The following GPM6B variants were observed in gnomAD, a reference collection of about 807,000 sequenced individuals.
GPM6B encodes the protein glycoprotein M6B.
A neutral mutation model predicts 27.2 loss-of-function variants in GPM6B; 4 were observed. That is an observed-to-expected ratio of 0.15 (90% CI 0.07 to 0.34). GPM6B has a LOEUF of 0.34. GPM6B is among the 10% of genes least tolerant of loss of function. GPM6B has a pLI of 1.00. For missense variants in GPM6B, 183 were observed against 261.9 expected (o/e 0.70, Z 2.08); for synonymous variants, 124 against 103.1 (o/e 1.20, Z -1.23).
chrX:13,920,239 C>G (rs1365899821), intron 1 of GPM6B, among the ~76,000 whole-genome samples: 1 of 81,923 alleles, frequency 1.2e-5, no homozygotes, highest in Non-Finnish European at 2.2e-5. Context: ...TGCACTCCAG[C>G]CTAGGCAACA....
At chrX:13,896,890 G>T (rs182263248) in intron 1 of GPM6B, among the ~76,000 whole-genome samples, 3 of 112,157 alleles carry the variant, frequency 2.7e-5, no homozygotes, top group Middle Eastern at 4.6e-3. Flanking sequence ...TCCTATGTTT[G>T]CTCTAACACA....
chrX:13,776,395 C>T (rs945795370), intron 6 of GPM6B, 92 bp from the exon 7 acceptor site: 71 of 677,682 alleles, frequency 1.0e-4, no homozygotes, highest in Non-Finnish European at 1.5e-4. Flanking sequence ...GTCTCCTTTG[C>T]AGCTCTTCTC....
intron 1 of GPM6B, among the ~76,000 whole-genome samples, chrX:13,870,617 C>G: frequency 8.9e-6 from 1 of 112,395 alleles, no homozygotes; most frequent in African/African-American, 3.2e-5. Flanking sequence ...GAAAACAGAG[C>G]CCCTAACACT....
At chrX:13,884,121 T>C (rs762960216) in intron 1 of GPM6B, among the ~76,000 whole-genome samples, 16 of 111,583 alleles carry the variant, frequency 1.4e-4, no homozygotes, top group Admixed American at 8.5e-4. Flanking sequence ...GAGGTTGCGG[T>C]GAGCCGAGAT....
chrX:13,864,354 G>A (rs1011881231), intron 1 of GPM6B, among the ~76,000 whole-genome samples: 7 of 112,616 alleles, frequency 6.2e-5, no homozygotes, highest in Non-Finnish European at 1.3e-4. Flanking sequence ...AGCACGTTAG[G>A]GGGGATGCTG....
At chrX:13,777,482 A>G in intron 5 of GPM6B, 57 bp from the exon 6 acceptor site, 2 of 777,045 alleles carry the variant, frequency 2.6e-6, no homozygotes, top group Admixed American at 4.5e-5. Context: ...CATGTTCTTA[A>G]CAGACCCCAC....
At chrX:13,888,132 T>A (rs2050154822) in intron 1 of GPM6B, among the ~76,000 whole-genome samples, 1 of 112,246 alleles carries the variant, frequency 8.9e-6, no homozygotes, top group Non-Finnish European at 1.9e-5. Context: ...TCTCACATAA[T>A]CTATGGAATG....
At chrX:13,838,768 T>C (rs1787746629) in intron 1 of GPM6B, among the ~76,000 whole-genome samples, 1 of 111,464 alleles carries the variant, frequency 9.0e-6, no homozygotes, top group Non-Finnish European at 1.9e-5. Flanking sequence ...CTACACATGG[T>C]CCCTGCAGAA....
chrX:13,823,970 G>T (rs542524439), intron 1 of GPM6B, among the ~76,000 whole-genome samples: 17 of 112,480 alleles, frequency 1.5e-4, no homozygotes, highest in African/African-American at 5.5e-4. Context: ...CGGCATGAGG[G>T]GGCATGTGCC....
intron 2 of GPM6B, among the ~76,000 whole-genome samples, chrX:13,799,190 ATTTTTTTTTTTTTTTTTTTT>A (rs763194245): frequency 3.8e-3 from 137 of 35,968 alleles, no homozygotes; most frequent in Middle Eastern, 0.029. Context: ...AGCCAACCTA[ATTTTTTTTTTTTTTTTTTTT>A]TTTTTTTTTT....
At chrX:13,865,581 AAAAG>A (rs1328532973) in intron 1 of GPM6B, among the ~76,000 whole-genome samples, 12 of 91,209 alleles carry the variant, frequency 1.3e-4, no homozygotes, top group African/African-American at 5.1e-4. Context: ...GAAAGAAAAG[AAAAG>A]AAAAAAAAAA....
chrX:13,834,135 C>T (rs750839681), intron 1 of GPM6B, among the ~76,000 whole-genome samples: 1 of 112,710 alleles, frequency 8.9e-6, no homozygotes, highest in East Asian at 2.8e-4. Flanking sequence ...AATTTTAAAA[C>T]CATCCAGCTC....
At chrX:13,857,846 T>C (rs771812400) in intron 1 of GPM6B, among the ~76,000 whole-genome samples, 18 of 112,755 alleles carry the variant, frequency 1.6e-4, no homozygotes, top group Non-Finnish European at 2.8e-4. Context: ...TGCACTTCAA[T>C]GAGGTAGATA....
intron 1 of GPM6B, among the ~76,000 whole-genome samples, chrX:13,870,233 G>A (rs763228312): frequency 9.1e-6 from 1 of 110,408 alleles, no homozygotes; most frequent in South Asian, 3.8e-4. Flanking sequence ...CATCTGCCTC[G>A]AGATGCCACA....
chrX:13,793,614 C>T (rs748237133), intron 2 of GPM6B, among the ~76,000 whole-genome samples: 1 of 112,210 alleles, frequency 8.9e-6, no homozygotes, highest in South Asian at 3.7e-4. Flanking sequence ...AAAAGAAATG[C>T]TTAAAAGAAA....
chrX:13,823,129 T>C (rs770468306), intron 1 of GPM6B, among the ~76,000 whole-genome samples: 2 of 113,018 alleles, frequency 1.8e-5, no homozygotes, highest in Non-Finnish European at 3.7e-5. Flanking sequence ...ACCTCTTGTA[T>C]ATTTGCTATA....
chrX:13,891,417 CA>C (rs5901523), intron 1 of GPM6B, among the ~76,000 whole-genome samples: 26,919 of 106,309 alleles, frequency 0.25, 2,645 homozygotes, highest in South Asian at 0.4. Context: ...AGATAGAAAC[CA>C]AAAAAAAACC....
At chrX:13,916,663 A>ATATGTG (rs2050431661) in intron 1 of GPM6B, among the ~76,000 whole-genome samples, 1 of 90,158 alleles carries the variant, frequency 1.1e-5, no homozygotes, top group African/African-American at 4.1e-5. Context: ...TAGTTTATTA[A>ATATGTG]TGTGTGTGTG....
chrX:13,930,350 C>T (rs994367141), intron 1 of GPM6B, among the ~76,000 whole-genome samples: 7 of 111,699 alleles, frequency 6.3e-5, no homozygotes, highest in Admixed American at 9.5e-5. Flanking sequence ...CACGGTGGCT[C>T]ACACCTATAA....
Sources: allele counts gnomAD v4.1 joint callset (sites outside exome capture counted in the v4.1 genomes callset), GRCh38; gene constraint gnomAD v4.1.1; transcripts MANE v1.5; gene names NCBI Gene and HGNC (gene_info 2026-07-23, HGNC 2026-07-21).